Variants in USH2A observed in about 807,000 individuals in gnomAD.
USH2A encodes the protein Usher syndrome 2A (autosomal recessive, mild).
USH2A carries 443 observed loss-of-function variants against 538.9 expected under a neutral mutation model. The ratio of observed to expected loss-of-function variants is 0.82; its 90% confidence interval spans 0.76 to 0.89. The LOEUF is 0.89. Ranked by LOEUF, USH2A falls within the 40% of genes least tolerant of loss-of-function variation. The probability of loss-of-function intolerance (pLI) is 0.00; values close to 1 mark genes in which losing one functional copy is unlikely to be tolerated. For synonymous variants in USH2A, 2,413 were observed against 2,273.5 expected, an observed-to-expected ratio of 1.06 and a Z score of -1.75; for missense variants, 6,633 against 6,324.8, an observed-to-expected ratio of 1.05 and a Z score of -1.65.
At chr1:216,136,217 G>A (rs1038349735) in intron 21 of USH2A, among the ~76,000 whole-genome samples, 1 of 151,908 alleles carries the variant, frequency 6.6e-6, no homozygotes, top group Non-Finnish European at 1.5e-5. Context: ...GCATTCTGAG[G>A]GAAATTTGAA....
chr1:216,041,227 T>C (rs2030259932), intron 32 of USH2A, among the ~76,000 whole-genome samples: 1 of 152,024 alleles, frequency 6.6e-6, no homozygotes, highest in African/African-American at 2.4e-5. Context: ...GTTCTCTAAC[T>C]GGATTCATTT....
At chr1:216,041,457 C>T (rs969558949) in intron 32 of USH2A, among the ~76,000 whole-genome samples, 6 of 151,974 alleles carry the variant, frequency 3.9e-5, no homozygotes, top group Non-Finnish European at 7.4e-5. Flanking sequence ...TTGCTTGTGC[C>T]CCCCATGGCA....
chr1:216,376,347 G>A (rs1401976471), intron 3 of USH2A, among the ~76,000 whole-genome samples: 1 of 151,978 alleles, frequency 6.6e-6, no homozygotes, highest in Admixed American at 6.6e-5. Context: ...ACTCTTGAAG[G>A]ATTAATATGA....
At chr1:216,089,202 T>C (rs2032230541) in intron 22 of USH2A, 63 bp from the exon 23 acceptor site, 2 of 1,541,042 alleles carry the variant, frequency 1.3e-6, no homozygotes, top group Non-Finnish European at 1.8e-6. Flanking sequence ...AACACACACA[T>C]ATTTGTTATA....
intron 32 of USH2A, among the ~76,000 whole-genome samples, chr1:216,018,007 A>G (rs1351389036): frequency 1.3e-5 from 2 of 152,136 alleles, no homozygotes; most frequent in African/African-American, 4.8e-5. Flanking sequence ...CACAAATCAA[A>G]TGCCACACCC....
intron 32 of USH2A, among the ~76,000 whole-genome samples, chr1:216,043,676 AT>A (rs1418735069): frequency 6.6e-6 from 1 of 152,058 alleles, no homozygotes; most frequent in African/African-American, 2.4e-5. Context: ...ATTCAGTGTC[AT>A]TTTGCAGGTG....
rs191527022 is a variant in USH2A at position 215,966,641 on chromosome 1, C to T, written c.6958-1162G>A. On this transcript the variant is annotated intron_variant, in intron 36 of 71. Transcript: ENST00000307340. ...GCTATGGGATTCTTTAGAACTATAA[C>T]ACTTGCTCTTTCGTTTTTAGTTTAA... Among the ~76,000 whole-genome samples, 462 of 152,228 alleles carry T rather than the reference C, an allele frequency of 3.0e-3. 2 individuals carry two copies. The highest frequency in any genetic ancestry group is 0.011 in the African/African-American group (440 of 41,552).
At chr1:215,663,026 G>A (rs1249465487) in intron 64 of USH2A, among the ~76,000 whole-genome samples, 1 of 152,178 alleles carries the variant, frequency 6.6e-6, no homozygotes, top group Admixed American at 6.5e-5. Context: ...TTAGTCATGG[G>A]TATGTGGGTA....
chr1:216,258,898 A>G (rs10864235), intron 11 of USH2A, among the ~76,000 whole-genome samples: 87,556 of 151,872 alleles, frequency 0.58, 26,954 homozygotes, highest in East Asian at 0.72. Flanking sequence ...ACATTCAGAG[A>G]GAATTTTCAG....
At chr1:215,775,953 T>G (rs1421617195) in intron 55 of USH2A, among the ~76,000 whole-genome samples, 1 of 152,172 alleles carries the variant, frequency 6.6e-6, no homozygotes. Context: ...TTGAAAATAG[T>G]TTTCCAGAGT....
intron 4 of USH2A, among the ~76,000 whole-genome samples, chr1:216,349,965 C>T (rs2038249061): frequency 6.6e-6 from 1 of 152,104 alleles, no homozygotes; most frequent in Non-Finnish European, 1.5e-5. Flanking sequence ...TTAGTTGACT[C>T]ATAGTTCTGC....
intron 50 of USH2A, among the ~76,000 whole-genome samples, chr1:215,791,433 TA>T (rs550399967): frequency 2.0e-5 from 3 of 152,202 alleles, no homozygotes; most frequent in East Asian, 1.9e-4. Context: ...AAAGTGCTTT[TA>T]AAAAAAATCA....
At chr1:216,368,337 G>A (rs1465980377) in intron 3 of USH2A, among the ~76,000 whole-genome samples, 1 of 151,844 alleles carries the variant, frequency 6.6e-6, no homozygotes, top group Non-Finnish European at 1.5e-5. Context: ...AAATAGAATC[G>A]AGTCCACCTA....
intron 9 of USH2A, among the ~76,000 whole-genome samples, chr1:216,301,747 A>C (rs927134920): frequency 6.6e-6 from 1 of 152,200 alleles, no homozygotes; most frequent in South Asian, 2.1e-4. Context: ...AGTACTGCTC[A>C]CTGAATAAAA....
intron 21 of USH2A, chr1:216,174,046 G>C: frequency 2.0e-6 from 2 of 984,182 alleles, no homozygotes; most frequent in Non-Finnish European, 2.4e-6. Context: ...TGAGAGAGTA[G>C]TTAATCATGC....
intron 11 of USH2A, among the ~76,000 whole-genome samples, chr1:216,268,628 C>G (rs1003026641): frequency 6.6e-6 from 1 of 152,102 alleles, no homozygotes; most frequent in Non-Finnish European, 1.5e-5. Flanking sequence ...TTGCAGCTTG[C>G]ACAAGGATCC....
intron 61 of USH2A, among the ~76,000 whole-genome samples, chr1:215,691,356 C>T (rs1280849600): frequency 1.3e-5 from 2 of 152,126 alleles, no homozygotes; most frequent in Non-Finnish European, 2.9e-5. Flanking sequence ...GACATTGTCT[C>T]CTATCATTTT....
intron 38 of USH2A, among the ~76,000 whole-genome samples, chr1:215,903,735 G>A (rs998617565): frequency 5.9e-5 from 9 of 152,082 alleles, no homozygotes; most frequent in African/African-American, 2.2e-4. Flanking sequence ...TTCTTAGTGA[G>A]CAAAATAAAA....
At chr1:215,734,775 A>G (rs963430339) in intron 60 of USH2A, among the ~76,000 whole-genome samples, 7 of 152,204 alleles carry the variant, frequency 4.6e-5, no homozygotes, top group African/African-American at 1.7e-4. Context: ...GCTAGGGCAT[A>G]ACAAGGGTGA....
Sources: allele counts gnomAD v4.1 joint callset (sites outside exome capture counted in the v4.1 genomes callset), GRCh38; gene constraint gnomAD v4.1.1; transcripts MANE v1.5; gene names NCBI Gene and HGNC (gene_info 2026-07-23, HGNC 2026-07-21).